The following PHF20 variants were observed in gnomAD, a reference collection of about 807,000 sequenced individuals.
The protein encoded by PHF20 is PHD finger protein 20, also known as glioma-expressed antigen 2.
In PHF20, 23 loss-of-function variants were observed where a neutral mutation model predicts 113.5. The observed-to-expected ratio is 0.20, with a 90% CI of 0.15 to 0.29. The LOEUF is 0.29. Ranked by LOEUF, PHF20 falls within the 10% of genes least tolerant of loss-of-function variation. The pLI, the probability that PHF20 is intolerant of heterozygous loss-of-function variation, is 1.00. For missense variants in PHF20, 943 were observed against 1,219.6 expected (o/e 0.77, Z 3.38); for synonymous variants, 434 against 457.3 (o/e 0.95, Z 0.65).
intron 9 of PHF20, among the ~76,000 whole-genome samples, chr20:35,889,164 C>T (rs1021101020): frequency 1.3e-5 from 2 of 151,438 alleles, no homozygotes; most frequent in African/African-American, 4.9e-5. Flanking sequence ...TATAGGTGCA[C>T]ACCACCACGC....
rs545390762 is a variant in PHF20, at chr20:35,947,508, A to G, written c.2920A>G (p.Thr974Ala). ...AGTGTTGGAGAGCTGGCTGGACTAC[A>G]CTGGGGAACTGGAGCCCCCTGAGCC... ...LDVLESWLDY[T>A]GELEPPEPLA... Residue 974 changes from threonine to alanine, a missense_variant, in exon 18 of 18, where the codon ACT (threonine) becomes GCT (alanine). Thr to Ala is a moderately conservative substitution (Grantham distance 58). Coordinates refer to ENST00000374012, the MANE Select transcript of PHF20 (RefSeq NM_016436.5). 6.2e-7 allele frequency: 1 copy of G among 1,614,064 alleles called. No individual in the cohort carries two copies. Among genetic ancestry groups the G allele is most frequent in the East Asian group, 2.2e-5 (1 of 44,872 alleles).
chr20:35,916,562 G>T (rs2055407307), intron 12 of PHF20, among the ~76,000 whole-genome samples: 1 of 152,140 alleles, frequency 6.6e-6, no homozygotes, highest in South Asian at 2.1e-4. Flanking sequence ...CTGCCTCCTG[G>T]GTTCAAGTGA....
chr20:35,904,805 T>TTCCTTCCTTCCTTCCTTC (rs2055172721), intron 10 of PHF20, among the ~76,000 whole-genome samples: 1 of 14,904 alleles, frequency 6.7e-5, no homozygotes, highest in African/African-American at 4.5e-4. Flanking sequence ...TTCCTTCCTT[T>TTCCTTCCTTCCTTCCTTC]CTTTTCTTTC....
chr20:35,816,935 C>T (rs982518257), intron 2 of PHF20, among the ~76,000 whole-genome samples: 1 of 150,186 alleles, frequency 6.7e-6, no homozygotes. Context: ...GGATTACAGG[C>T]GTGCACCACT....
chr20:35,928,925 G>A (rs1203691686), intron 14 of PHF20, among the ~76,000 whole-genome samples: 2 of 152,152 alleles, frequency 1.3e-5, no homozygotes, highest in Non-Finnish European at 2.9e-5. Context: ...TGGCTATAGG[G>A]GTCACCTGTG....
intron 3 of PHF20, among the ~76,000 whole-genome samples, chr20:35,843,521 C>CAAA (rs766671833): frequency 9.4e-5 from 5 of 53,146 alleles, no homozygotes; most frequent in African/African-American, 2.1e-4. Flanking sequence ...TATTCCATCT[C>CAAA]AAAAAAAAAA....
Position 35,899,564 on chromosome 20 carries a change from C to T in PHF20, c.1477C>T (p.His493Tyr). ...LEPEESPGKR[H>Y]VQTRGPSASD... Reference sequence around the variant, plus strand: ...GCCAGAAGAGAGCCCGGGAAAGAGGCATGTCCAAACCAGGGGCCCTTCAGC... The same window carrying T: ...GCCAGAAGAGAGCCCGGGAAAGAGGTATGTCCAAACCAGGGGCCCTTCAGC... Residue 493 changes from histidine to tyrosine, a missense_variant, in exon 10 of 18, where the codon CAT (histidine) becomes TAT (tyrosine). By Grantham distance (83) the His-to-Tyr change is moderately conservative. Around this residue, in one of 3 missense-constraint regions of PHF20, gnomAD observed 592 missense variants for 787.2 expected, o/e 0.75. Transcript: ENST00000374012. The T allele has an allele frequency of 3.1e-6, 5 of 1,614,082 alleles. No individual in the cohort carries two copies. The highest frequency in any genetic ancestry group is 4.2e-6 in the Non-Finnish European group (5 of 1,179,972).
Position 35,891,963 on chromosome 20 carries a change from G to A in PHF20, c.1283-7407G>A, listed in dbSNP as rs1340059527. On this transcript the variant is annotated intron_variant, in intron 9 of 17. Transcript: ENST00000374012. ...TGGCTCACTGCAACCTCCGCCTACCGGGTTCAAGCGATTCACCTGCCTCAG... is the reference window on the plus strand; with the variant it reads ...TGGCTCACTGCAACCTCCGCCTACCAGGTTCAAGCGATTCACCTGCCTCAG... Among the ~76,000 whole-genome samples, 22 of 152,056 alleles carry A rather than the reference G, an allele frequency of 1.4e-4. No individual in the cohort carries two copies. In the South Asian group the frequency reaches 3.9e-3, roughly 27 times the overall value.
intron 2 of PHF20, among the ~76,000 whole-genome samples, chr20:35,805,354 TTTATTA>T (rs3056929): frequency 0.06 from 7,532 of 125,110 alleles, 237 homozygotes; most frequent in African/African-American, 0.092. Flanking sequence ...CGCCTGATTT[TTTATTA>T]TTATTATTAT....
At chr20:35,821,731 C>G (rs575905402) in intron 2 of PHF20, among the ~76,000 whole-genome samples, 3 of 152,204 alleles carry the variant, frequency 2.0e-5, no homozygotes, top group African/African-American at 7.2e-5. Context: ...ACAAGAAGAG[C>G]AAGGATCTTT....
intron 10 of PHF20, among the ~76,000 whole-genome samples, chr20:35,901,053 G>A (rs2055085974): frequency 6.6e-6 from 1 of 152,046 alleles, no homozygotes; most frequent in Non-Finnish European, 1.5e-5. Flanking sequence ...GGTTATACAG[G>A]TGTGTTCATT....
chr20:35,817,466 C>T (rs1304177762), intron 2 of PHF20, among the ~76,000 whole-genome samples: 1 of 151,488 alleles, frequency 6.6e-6, no homozygotes, highest in African/African-American at 2.4e-5. Context: ...GGATTACAGG[C>T]GTGAGCCACC....
At chr20:35,931,218 T>A in intron 14 of PHF20, 31 bp from the exon 15 acceptor site, 1 of 1,552,208 alleles carries the variant, frequency 6.4e-7, no homozygotes. Context: ...CTTCAGGCCT[T>A]GTTTTAACCC....
At chr20:35,915,416 TCA>T (rs2055386637) in intron 12 of PHF20, among the ~76,000 whole-genome samples, 1 of 152,044 alleles carries the variant, frequency 6.6e-6, no homozygotes, top group Admixed American at 6.6e-5. Context: ...AGACAGAGTC[TCA>T]CTCTGTTGCC....
intron 2 of PHF20, among the ~76,000 whole-genome samples, chr20:35,808,477 T>C (rs1223015051): frequency 6.6e-6 from 1 of 152,188 alleles, no homozygotes; most frequent in African/African-American, 2.4e-5. Context: ...TGGAAGTTTT[T>C]TTTTTTTCAG....
chr20:35,839,591 G>A (rs1357814128), intron 2 of PHF20, among the ~76,000 whole-genome samples: 1 of 152,062 alleles, frequency 6.6e-6, no homozygotes, highest in African/African-American at 2.4e-5. Flanking sequence ...TCCTACAATT[G>A]TACTATTTCA....
intron 1 of PHF20, among the ~76,000 whole-genome samples, chr20:35,794,541 C>T (rs2041629949): frequency 6.6e-6 from 1 of 152,138 alleles, no homozygotes; most frequent in Admixed American, 6.6e-5. Flanking sequence ...AGTTAAAAGG[C>T]ACTGTCACCC....
At chr20:35,844,417 G>GTTTTT (rs1491291994) in intron 3 of PHF20, among the ~76,000 whole-genome samples, 1 of 127,750 alleles carries the variant, frequency 7.8e-6, no homozygotes. Context: ...TTTTTTTTTG[G>GTTTTT]TTTTTTTTTT....
chr20:35,837,215 A>G (rs1235904832), intron 2 of PHF20, among the ~76,000 whole-genome samples: 5 of 152,104 alleles, frequency 3.3e-5, no homozygotes, highest in African/African-American at 1.2e-4. Flanking sequence ...AAAAAACACA[A>G]AACCCCAAAA....
Sources: gnomAD v4.1 joint callset for allele counts (sites outside exome capture counted in the v4.1 genomes callset) on GRCh38, gnomAD v4.1.1 for gene constraint, gnomAD v4.1.1 regional missense constraint, MANE v1.5 for transcripts, NCBI Gene and HGNC (gene_info 2026-07-23, HGNC 2026-07-21) for gene names.